TMEM132D: variants seen among roughly 807,000 people sequenced by gnomAD.
TMEM132D encodes the protein transmembrane protein 132D, also known as mature OL transmembrane protein.
Under a neutral mutation model 62.3 loss-of-function variants are expected in TMEM132D, and 21 were observed. The observed-to-expected ratio is 0.34, with a 90% CI of 0.24 to 0.49. The LOEUF (loss-of-function observed/expected upper bound fraction) is 0.49. Ranked by LOEUF, TMEM132D falls within the 20% of genes least tolerant of loss-of-function variation. The pLI, the probability that TMEM132D is intolerant of heterozygous loss-of-function variation, is 0.99. For missense variants in TMEM132D, 1,346 were observed against 1,402.8 expected (o/e 0.96, Z 0.65); for synonymous variants, 621 against 575.6 (o/e 1.08, Z -1.13).
chr12:129,091,907 T>C (rs1347253872), intron 5 of TMEM132D, among the ~76,000 whole-genome samples: 1 of 152,208 alleles, frequency 6.6e-6, no homozygotes, highest in Non-Finnish European at 1.5e-5. Context: ...GTTCATTGCA[T>C]TAGATTGTTA....
chr12:129,648,810 T>A (rs904920571), intron 2 of TMEM132D, among the ~76,000 whole-genome samples: 2 of 152,314 alleles, frequency 1.3e-5, no homozygotes, highest in African/African-American at 4.8e-5. Context: ...TCATATGATA[T>A]GCATTTTCAC....
At chr12:129,146,228 C>T (rs1354257491) in intron 5 of TMEM132D, among the ~76,000 whole-genome samples, 3 of 152,166 alleles carry the variant, frequency 2.0e-5, no homozygotes, top group African/African-American at 7.2e-5. Flanking sequence ...CCTTTCATTC[C>T]TGGTATCTCC....
At chr12:129,289,080 G>A (rs547410674) in intron 4 of TMEM132D, among the ~76,000 whole-genome samples, 1 of 152,076 alleles carries the variant, frequency 6.6e-6, no homozygotes, top group Admixed American at 6.5e-5. Flanking sequence ...ACAGTAGAAC[G>A]GTGGGTGCCA....
intron 2 of TMEM132D, among the ~76,000 whole-genome samples, chr12:129,603,800 C>T (rs1301513863): frequency 6.6e-6 from 1 of 152,094 alleles, no homozygotes; most frequent in African/African-American, 2.4e-5. Flanking sequence ...ACCATTTGAC[C>T]CAGCAATCCC....
chr12:129,576,720 T>G (rs1436348079), intron 2 of TMEM132D, among the ~76,000 whole-genome samples: 1 of 151,786 alleles, frequency 6.6e-6, no homozygotes, highest in East Asian at 1.9e-4. Flanking sequence ...CCTCCAAAAC[T>G]TAATTACTAA....
intron 3 of TMEM132D, among the ~76,000 whole-genome samples, chr12:129,405,977 C>T (rs954436782): frequency 2.6e-5 from 4 of 152,032 alleles, no homozygotes; most frequent in Admixed American, 2.6e-4. Flanking sequence ...CAATTAAATC[C>T]CTCAAACATC....
Position 129,823,903 on chromosome 12 carries a change from C to T in TMEM132D, c.79+79358G>A, listed in dbSNP as rs765236042. Reference sequence around the variant, plus strand: ...CTTATTATTGGTTTTAAATTGGGGGCCTGATTTAATCTCATTCCCGTTAAA... The same window carrying T: ...CTTATTATTGGTTTTAAATTGGGGGTCTGATTTAATCTCATTCCCGTTAAA... On this transcript the variant is annotated intron_variant, in intron 1 of 8. Coordinates refer to ENST00000422113, the MANE Select transcript of TMEM132D (RefSeq NM_133448.3). Among the ~76,000 whole-genome samples, 11 of 152,184 alleles carry T rather than the reference C, an allele frequency of 7.2e-5. No individual in the cohort carries two copies. The Middle Eastern group carries it at 0.014, about 188-fold the overall frequency.
rs142489511 is a variant in TMEM132D, at chr12:129,270,693, A to T, written c.1300-61030T>A. 3.3e-5 allele frequency among the ~76,000 whole-genome samples: 5 copies of T among 152,262 alleles called. No homozygotes were observed. In the East Asian group the frequency reaches 9.7e-4, roughly 29 times the overall value. Reference sequence around the variant, plus strand: ...TGCCAAGAGAATGGCTGTATCAGGCAGCTTGCAGTTCAAGTTAAGTCACAA... The same window carrying T: ...TGCCAAGAGAATGGCTGTATCAGGCTGCTTGCAGTTCAAGTTAAGTCACAA... On this transcript the variant is annotated intron_variant, in intron 4 of 8. Transcript: ENST00000422113.
At chr12:129,563,317 G>T (rs184146617) in intron 2 of TMEM132D, among the ~76,000 whole-genome samples, 7 of 152,180 alleles carry the variant, frequency 4.6e-5, no homozygotes, top group Non-Finnish European at 1.0e-4. Flanking sequence ...TGTTTTAGAA[G>T]GCATACAGCT....
At chr12:129,374,466 T>A (rs1039572377) in intron 3 of TMEM132D, among the ~76,000 whole-genome samples, 1 of 152,076 alleles carries the variant, frequency 6.6e-6, no homozygotes, top group Non-Finnish European at 1.5e-5. Flanking sequence ...GCATAACAGA[T>A]GCCTTGGGCT....
At chr12:129,498,227 A>G (rs1028753052) in intron 3 of TMEM132D, among the ~76,000 whole-genome samples, 1 of 146,738 alleles carries the variant, frequency 6.8e-6, no homozygotes, top group Non-Finnish European at 1.5e-5. Context: ...AAGCTCCAAG[A>G]TGAGATGTAT....
chr12:129,290,112 C>T (rs914760302), intron 4 of TMEM132D, among the ~76,000 whole-genome samples: 5 of 152,138 alleles, frequency 3.3e-5, no homozygotes, highest in Non-Finnish European at 5.9e-5. Flanking sequence ...TAGTAAAGGA[C>T]CTCTGAGAAC....
chr12:129,218,620 T>C (rs1287267687), intron 4 of TMEM132D, among the ~76,000 whole-genome samples: 2 of 152,216 alleles, frequency 1.3e-5, no homozygotes, highest in Non-Finnish European at 2.9e-5. Context: ...ATATGGCACA[T>C]AACTGTACCC....
chr12:129,448,026 GTGCTTGGCTTCGTAGA>G (rs1215859576), intron 3 of TMEM132D, among the ~76,000 whole-genome samples: 1 of 152,198 alleles, frequency 6.6e-6, no homozygotes. Context: ...TTTCAGCGTA[GTGCTTGGCTTCGTAGA>G]TGCTCAGGAA....
intron 5 of TMEM132D, among the ~76,000 whole-genome samples, chr12:129,149,513 G>A (rs1877012036): frequency 6.6e-6 from 1 of 152,160 alleles, no homozygotes; most frequent in South Asian, 2.1e-4. Context: ...CAACTCATCG[G>A]ACAGTCAGAC....
intron 1 of TMEM132D, among the ~76,000 whole-genome samples, chr12:129,901,270 T>A (rs893922473): frequency 1.3e-5 from 2 of 152,198 alleles, no homozygotes; most frequent in Admixed American, 6.5e-5. Context: ...GATCAGAGAA[T>A]CTTAGAGGGA....
At chr12:129,810,819 GGAAAATCAAAA>G (rs1365630368) in intron 1 of TMEM132D, among the ~76,000 whole-genome samples, 2 of 151,998 alleles carry the variant, frequency 1.3e-5, no homozygotes, top group Admixed American at 6.6e-5. Context: ...ATCGAGTTGA[GGAAAATCAAAA>G]TTATTCCTAA....
chr12:129,643,180 C>T (rs2137176630), intron 2 of TMEM132D, among the ~76,000 whole-genome samples: 1 of 152,262 alleles, frequency 6.6e-6, no homozygotes, highest in South Asian at 2.1e-4. Context: ...ACCTCAAGCT[C>T]CCAAAGTGCT....
At chr12:129,721,843 G>T (rs1453967269) in intron 1 of TMEM132D, among the ~76,000 whole-genome samples, 1 of 152,184 alleles carries the variant, frequency 6.6e-6, no homozygotes, top group Non-Finnish European at 1.5e-5. Flanking sequence ...CTTCCAAGCG[G>T]GCTCTCCCAC....
Sources: allele counts gnomAD v4.1 joint callset (sites outside exome capture counted in the v4.1 genomes callset), GRCh38; gene constraint gnomAD v4.1.1; transcripts MANE v1.5; gene names NCBI Gene and HGNC (gene_info 2026-07-23, HGNC 2026-07-21).